Variants in DAB1 observed in about 807,000 individuals in gnomAD.
DAB1 encodes disabled homolog 1.
Under a neutral mutation model 64.6 loss-of-function variants are expected in DAB1, and 15 were observed. The ratio of observed to expected loss-of-function variants is 0.23; its 90% confidence interval spans 0.16 to 0.36. The LOEUF is 0.36. Ranked by LOEUF, DAB1 falls within the 10% of genes least tolerant of loss-of-function variation. DAB1 has a pLI of 1.00. For synonymous variants in DAB1, 235 were observed against 251.9 expected (o/e 0.93, Z 0.64); for missense variants, 596 against 706.7 (o/e 0.84, Z 1.78).
chr1:58,042,248 C>G (rs1281265451), intron 5 of DAB1, among the ~76,000 whole-genome samples: 1 of 152,192 alleles, frequency 6.6e-6, no homozygotes, highest in Non-Finnish European at 1.5e-5. Context: ...CCTTCTGAAG[C>G]AGGTATGATT....
chr1:58,132,116 TG>T (rs1653636162), intron 5 of DAB1, among the ~76,000 whole-genome samples: 1 of 152,172 alleles, frequency 6.6e-6, no homozygotes, highest in Non-Finnish European at 1.5e-5. Flanking sequence ...CGAGACTCCG[TG>T]GGCGTAGGAC....
intron 5 of DAB1, among the ~76,000 whole-genome samples, chr1:57,914,904 A>G (rs1293361342): frequency 6.6e-6 from 1 of 152,220 alleles, no homozygotes; most frequent in Non-Finnish European, 1.5e-5. Flanking sequence ...TAAGTTCTTA[A>G]GGTGATTTTA....
intron 3 of DAB1, chr1:58,480,910 A>G (rs1645469094): frequency 1.3e-6 from 1 of 760,812 alleles, no homozygotes; most frequent in Non-Finnish European, 2.2e-6. Flanking sequence ...AAAGTAACAT[A>G]AAATGATAAG....
At chr1:57,701,244 C>T (rs1312547143) in intron 6 of DAB1, among the ~76,000 whole-genome samples, 2 of 152,016 alleles carry the variant, frequency 1.3e-5, no homozygotes, top group African/African-American at 4.8e-5. Flanking sequence ...GCTATAAAGA[C>T]ATATGCACAC....
chr1:57,612,193 T>C (rs1173868109), intron 7 of DAB1, among the ~76,000 whole-genome samples: 1 of 109,072 alleles, frequency 9.2e-6, no homozygotes. Context: ...TTTGGCATGA[T>C]CTTGTGTGTG....
At chr1:57,998,151 T>C (rs914626166) in intron 5 of DAB1, among the ~76,000 whole-genome samples, 8 of 152,140 alleles carry the variant, frequency 5.3e-5, no homozygotes, top group African/African-American at 1.9e-4. Context: ...GACAATGTAG[T>C]ATAAACACAC....
At chr1:58,544,467 G>A (rs1392585883) in intron 1 of DAB1, among the ~76,000 whole-genome samples, 1 of 152,192 alleles carries the variant, frequency 6.6e-6, no homozygotes, top group Non-Finnish European at 1.5e-5. Context: ...TTGAATGGCA[G>A]GATGGTGGTT....
intron 4 of DAB1, among the ~76,000 whole-genome samples, chr1:58,316,920 A>G (rs1662570022): frequency 6.6e-6 from 1 of 152,200 alleles, no homozygotes; most frequent in South Asian, 2.1e-4. Flanking sequence ...GCTAGTACAT[A>G]TTTATAATTT....
chr1:58,324,790 A>C (rs969952165), intron 4 of DAB1, among the ~76,000 whole-genome samples: 1 of 152,178 alleles, frequency 6.6e-6, no homozygotes, highest in Admixed American at 6.5e-5. Context: ...CCTCCTACAG[A>C]ATTCAGCTGT....
intron 4 of DAB1, among the ~76,000 whole-genome samples, chr1:58,277,323 ACCCACCGCG>A (rs906617350): frequency 5.9e-5 from 9 of 152,114 alleles, no homozygotes; most frequent in Admixed American, 5.9e-4. Flanking sequence ...TACAGGCGTG[ACCCACCGCG>A]CCCAGCCGAT....
intron 3 of DAB1, among the ~76,000 whole-genome samples, chr1:58,393,783 G>T (rs143323466): frequency 0.012 from 1,815 of 152,220 alleles, 31 homozygotes; most frequent in African/African-American, 0.041. Flanking sequence ...TTTTACAGAA[G>T]AAATAAGCTT....
At chr1:58,061,363 A>C (rs1181056065) in intron 5 of DAB1, among the ~76,000 whole-genome samples, 1 of 152,174 alleles carries the variant, frequency 6.6e-6, no homozygotes, top group Non-Finnish European at 1.5e-5. Flanking sequence ...AGGTGTTGGC[A>C]GGGCTATTTC....
chr1:57,780,869 T>C (rs1328583706), intron 6 of DAB1, among the ~76,000 whole-genome samples: 1 of 151,164 alleles, frequency 6.6e-6, no homozygotes, highest in East Asian at 1.9e-4. Context: ...TTCTCCTCCA[T>C]GCACCCTCCA....
intron 6 of DAB1, among the ~76,000 whole-genome samples, chr1:57,796,506 G>T (rs143893147): frequency 6.6e-6 from 1 of 151,368 alleles, no homozygotes; most frequent in East Asian, 1.9e-4. Flanking sequence ...CAGCCTGGGC[G>T]ACAGAGCAAA....
intron 6 of DAB1, among the ~76,000 whole-genome samples, chr1:57,759,160 C>G (rs1042044613): frequency 6.6e-6 from 1 of 151,746 alleles, no homozygotes; most frequent in Non-Finnish European, 1.5e-5. Flanking sequence ...AAGCAGGTGG[C>G]AGTTTCATCA....
chr1:58,519,381 C>CCACATCTGCAGACCATTCATCTG (rs2100448165), intron 2 of DAB1, among the ~76,000 whole-genome samples: 1 of 152,284 alleles, frequency 6.6e-6, no homozygotes, highest in South Asian at 2.1e-4. Context: ...CATCTGCAGA[C>CCACATCTGCAGACCATTCATCTG]ACGTGAATGA....
In DAB1 at chr1:58,074,073, A is replaced by T. The variant is rs907015312; in HGVS notation, n.387+76438T>A. On this transcript the variant is annotated intron_variant and non_coding_transcript_variant, in intron 5 of 20. Transcript: ENST00000485760. The stretch of plus-strand genomic sequence containing the variant: ...CTATCCTTCTGGACTTCTCAAATAC[A>T]TGAGCCGGTAAATTCCACTATTGTT... Among the ~76,000 whole-genome samples, 4 of 152,286 alleles carry T rather than the reference A, an allele frequency of 2.6e-5. No homozygotes were observed. In the South Asian group the frequency reaches 8.3e-4, roughly 32 times the overall value.
chr1:57,968,449 TGC>T (rs1486087347), intron 5 of DAB1, among the ~76,000 whole-genome samples: 1 of 152,176 alleles, frequency 6.6e-6, no homozygotes, highest in Non-Finnish European at 1.5e-5. Flanking sequence ...TAAAAGATTC[TGC>T]AAGTTGTTCT....
intron 6 of DAB1, among the ~76,000 whole-genome samples, chr1:57,771,229 G>C (rs1006726639): frequency 1.9e-4 from 29 of 152,062 alleles, no homozygotes; most frequent in Admixed American, 1.8e-3. Flanking sequence ...TGGCTGGCTT[G>C]CTTGACTATA....
Sources: allele counts gnomAD v4.1 joint callset (sites outside exome capture counted in the v4.1 genomes callset), GRCh38; gene constraint gnomAD v4.1.1; transcripts MANE v1.5; gene names NCBI Gene and HGNC (gene_info 2026-07-23, HGNC 2026-07-21).